Variants in FBXO36 observed in about 807,000 individuals in gnomAD.
FBXO36 encodes F-box only protein 36.
FBXO36 carries 18 observed loss-of-function variants against 17.0 expected under a neutral mutation model. The observed-to-expected ratio is 1.06, with a 90% CI of 0.73 to 1.57. FBXO36 has a LOEUF of 1.57. Among genes scored for constraint, FBXO36 ranks in the 40% most tolerant of loss-of-function variants. The pLI, the probability that FBXO36 is intolerant of heterozygous loss-of-function variation, is 0.00. For missense variants in FBXO36, 229 were observed against 221.9 expected, an observed-to-expected ratio of 1.03 and a Z score of -0.20; for synonymous variants, 83 against 85.3, an observed-to-expected ratio of 0.97 and a Z score of 0.15.
At chr2:229,954,861 T>G (rs999423364) in intron 1 of FBXO36, among the ~76,000 whole-genome samples, 3 of 150,998 alleles carry the variant, frequency 2.0e-5, no homozygotes, top group Non-Finnish European at 4.4e-5. Context: ...TTGTTTGTTT[T>G]TTTTTTGAGA....
intron 1 of FBXO36, among the ~76,000 whole-genome samples, chr2:229,961,496 T>C (rs1482118028): frequency 6.6e-6 from 1 of 152,010 alleles, no homozygotes. Flanking sequence ...CTGCCTCAGC[T>C]TCCTGAGTAG....
chr2:229,967,243 G>A (rs971347397), intron 1 of FBXO36, among the ~76,000 whole-genome samples: 7 of 152,180 alleles, frequency 4.6e-5, no homozygotes, highest in African/African-American at 1.7e-4. Flanking sequence ...CTGAGACTTT[G>A]CTGAAGTTGC....
intron 2 of FBXO36, among the ~76,000 whole-genome samples, chr2:229,994,818 A>G (rs181606207): frequency 1.2e-4 from 18 of 152,234 alleles, no homozygotes; most frequent in African/African-American, 4.1e-4. Context: ...CCTCTCTCTT[A>G]AAAGGAGGTA....
In FBXO36 at chr2:229,966,548, T is replaced by A. The variant is rs1463774550; in HGVS notation, c.97-9693T>A. ...TTAAGTCTTTAATCCATCTTGAATT[T>A]ATTTTTGTATAAGGTGTAAGGAAGG... On this transcript the variant is annotated intron_variant, in intron 1 of 3. Transcript: ENST00000283946. 5.9e-3 allele frequency among the ~76,000 whole-genome samples: 894 copies of A among 152,250 alleles called. 5 individuals carry two copies. The highest frequency in any genetic ancestry group is 0.02 in the African/African-American group (816 of 41,568).
intron 1 of FBXO36, among the ~76,000 whole-genome samples, chr2:229,938,787 T>C (rs575943700): frequency 7.7e-5 from 11 of 143,542 alleles, no homozygotes; most frequent in Admixed American, 5.8e-4. Context: ...GAGGCAGAGT[T>C]TCGCTCTTTT....
chr2:229,981,648 G>A (rs529533226), intron 2 of FBXO36, among the ~76,000 whole-genome samples: 55 of 146,638 alleles, frequency 3.8e-4, no homozygotes, highest in African/African-American at 1.3e-3. Flanking sequence ...GCTGTAGTGC[G>A]CTGTGATTGT....
intron 2 of FBXO36, among the ~76,000 whole-genome samples, chr2:229,993,574 C>A (rs1008939696): frequency 6.6e-6 from 1 of 151,950 alleles, no homozygotes; most frequent in Non-Finnish European, 1.5e-5. Flanking sequence ...AACAGGCAGG[C>A]GGTGATTTTA....
At chr2:229,994,778 T>C (rs920505708) in intron 2 of FBXO36, among the ~76,000 whole-genome samples, 1 of 152,168 alleles carries the variant, frequency 6.6e-6, no homozygotes, top group Non-Finnish European at 1.5e-5. Context: ...CCCTGTGATC[T>C]ATATGCATAC....
At chr2:230,002,675 T>C (rs1002566453) in intron 3 of FBXO36, among the ~76,000 whole-genome samples, 1 of 152,296 alleles carries the variant, frequency 6.6e-6, no homozygotes. Flanking sequence ...TGCGCCACCA[T>C]GCCCGGCATT....
intron 1 of FBXO36, among the ~76,000 whole-genome samples, chr2:229,925,025 C>T (rs1017074697): frequency 8.6e-5 from 13 of 152,040 alleles, no homozygotes; most frequent in Non-Finnish European, 1.2e-4. Context: ...CCACCGCGCC[C>T]GGCCCTAACT....
At chr2:230,002,347 T>A (rs2077363584) in intron 3 of FBXO36, among the ~76,000 whole-genome samples, 1 of 152,110 alleles carries the variant, frequency 6.6e-6, no homozygotes, top group African/African-American at 2.4e-5. Flanking sequence ...ATTTAGTAAT[T>A]AAATCTTTCT....
Position 230,011,640 on chromosome 2 carries a change from A to C in FBXO36, c.*756A>C, listed in dbSNP as rs2077416920. On this transcript the variant is annotated 3_prime_UTR_variant, in exon 4 of 4. Coordinates refer to ENST00000283946, the MANE Select transcript of FBXO36 (RefSeq NM_174899.5). ...TGTATTTTCTTTTTAGTAGAGGTGG[A>C]GTTTCGCCATGTAGGCCAGGCTGGT... The C allele has an allele frequency of 8.8e-6, 1 of 113,180 alleles. No homozygotes were observed. The highest frequency in any genetic ancestry group is 1.7e-5 in the Non-Finnish European group (1 of 59,364). The allele number at this position is 113,180 out of a possible 1,614,324, so 7.0% of individuals were successfully genotyped here.
At chr2:229,966,201 C>T (rs2077151828) in intron 1 of FBXO36, among the ~76,000 whole-genome samples, 1 of 152,138 alleles carries the variant, frequency 6.6e-6, no homozygotes, top group Non-Finnish European at 1.5e-5. Context: ...CTGTTCATAT[C>T]CTTCGCCCAC....
chr2:229,938,175 G>A (rs1301865852), intron 1 of FBXO36, among the ~76,000 whole-genome samples: 2 of 147,838 alleles, frequency 1.4e-5, no homozygotes, highest in African/African-American at 5.0e-5. Context: ...TAGAGATGGC[G>A]TGAGCCACCG....
intron 1 of FBXO36, among the ~76,000 whole-genome samples, chr2:229,949,125 G>A (rs2077042283): frequency 1.3e-5 from 2 of 152,126 alleles, no homozygotes; most frequent in African/African-American, 4.8e-5. Context: ...GAGCCACTGC[G>A]CCCAGCCTCA....
At chr2:229,984,543 C>T (rs955453923) in intron 2 of FBXO36, among the ~76,000 whole-genome samples, 14 of 151,302 alleles carry the variant, frequency 9.3e-5, no homozygotes, top group African/African-American at 2.9e-4. Context: ...CGCCCGCCAG[C>T]AAGCCCGGCT....
chr2:229,992,045 TTTCTC>T lies in FBXO36; in HGVS notation c.206-4703_206-4699del, dbSNP rs2077300466. Among the ~76,000 whole-genome samples the T allele has an allele frequency of 2.0e-5, 3 of 152,324 alleles. No individual in the cohort carries two copies. In the South Asian group the frequency reaches 6.2e-4, roughly 32 times the overall value. ...AGAGACCTTCCTTTAGCTTGTCTCTTTTCTCTTATCTTTTACTTTAAGCATCAAGA... is the reference window on the plus strand; with the variant it reads ...AGAGACCTTCCTTTAGCTTGTCTCTTTTATCTTTTACTTTAAGCATCAAGA... On this transcript the variant is annotated intron_variant, in intron 2 of 3. Transcript: ENST00000283946.
intron 1 of FBXO36, among the ~76,000 whole-genome samples, chr2:229,929,061 G>C (rs1387609112): frequency 6.6e-6 from 1 of 150,650 alleles, no homozygotes; most frequent in Non-Finnish European, 1.5e-5. Flanking sequence ...TGCCTCCCAA[G>C]TAGCTGGGAC....
intron 2 of FBXO36, among the ~76,000 whole-genome samples, chr2:229,980,461 C>G (rs1013537379): frequency 6.6e-6 from 1 of 152,118 alleles, no homozygotes; most frequent in Non-Finnish European, 1.5e-5. Context: ...TGATTGTCTT[C>G]CACAAAAACC....
Sources: gnomAD v4.1 joint callset for allele counts (sites outside exome capture counted in the v4.1 genomes callset) on GRCh38, gnomAD v4.1.1 for gene constraint, MANE v1.5 for transcripts, NCBI Gene and HGNC (gene_info 2026-07-23, HGNC 2026-07-21) for gene names.